The following CRMP1 variants were observed in gnomAD, a reference collection of about 807,000 sequenced individuals.
The protein encoded by CRMP1 is collapsin response mediator protein 1, also known as dihydropyrimidinase-related protein 1.
CRMP1 carries 19 observed loss-of-function variants against 68.3 expected under a neutral mutation model. That is an observed-to-expected ratio of 0.28 (90% CI 0.19 to 0.41). The LOEUF (loss-of-function observed/expected upper bound fraction) is 0.41. Ranked by LOEUF, CRMP1 falls within the 10% of genes least tolerant of loss-of-function variation. CRMP1 has a pLI of 1.00. For synonymous variants in CRMP1, 439 were observed against 399.6 expected, an observed-to-expected ratio of 1.10 and a Z score of -1.18; for missense variants, 791 against 967.4, an observed-to-expected ratio of 0.82 and a Z score of 2.42.
chr4:5,843,039 G>C lies in CRMP1; in HGVS notation c.1032+54C>G. The C allele has an allele frequency of 6.5e-7, 1 of 1,547,196 alleles. No individual in the cohort carries two copies. Among genetic ancestry groups the C allele is most frequent in the South Asian group, 1.1e-5 (1 of 89,460 alleles). On this transcript the variant is annotated intron_variant, in intron 7 of 13. Coordinates refer to ENST00000324989, the MANE Select transcript of CRMP1 (RefSeq NM_001014809.3). The surrounding 1 kb of genome is among the most constrained non-coding windows in gnomAD (Gnocchi z 4.1). ...GCTACTCCAGCTGGAACAGCATCAA[G>C]GTGAGTGCTCAGTGGTGAGTGTCAG...
At position 5,870,672 on chromosome 4, in the gene CRMP1, C is replaced by T. The variant is rs554158661; in HGVS notation, c.382-3916G>A. ...AAGACCAGTGTGAAGAGGCACATCCCGTTCTTCAGCAGGAGGGTCTCTGGA... is the reference window on the plus strand; with the variant it reads ...AAGACCAGTGTGAAGAGGCACATCCTGTTCTTCAGCAGGAGGGTCTCTGGA... On this transcript the variant is annotated intron_variant, in intron 1 of 13. Coordinates refer to ENST00000324989, the MANE Select transcript of CRMP1 (RefSeq NM_001014809.3). This position sits in a 1 kb window ranked among gnomAD's most constrained non-coding sequence, Gnocchi z 6.0. 2.2e-4 allele frequency among the ~76,000 whole-genome samples: 34 copies of T among 152,310 alleles called. No individual in the cohort carries two copies. In the East Asian group the frequency reaches 6.4e-3, roughly 29 times the overall value.
At chr4:5,884,069 T>C (rs985371743) in intron 1 of CRMP1, among the ~76,000 whole-genome samples, 1 of 152,246 alleles carries the variant, frequency 6.6e-6, no homozygotes. Flanking sequence ...AGTGGATGAC[T>C]AATCATGGCC....
At chr4:5,869,679 G>A (rs1342129289) in intron 1 of CRMP1, among the ~76,000 whole-genome samples, 3 of 83,304 alleles carry the variant, frequency 3.6e-5, no homozygotes, top group South Asian at 4.3e-4. Flanking sequence ...GCAAGACTCC[G>A]TCAAAAAAAA....
chr4:5,891,164 C>CCAAACACACATA lies in CRMP1; in HGVS notation c.381+1424_381+1425insTATGTGTGTTTG, dbSNP rs1553910114. Among the ~76,000 whole-genome samples the CCAAACACACATA allele has an allele frequency of 3.2e-5, 2 of 63,404 alleles. No homozygotes were observed. The highest frequency in any genetic ancestry group is 1.3e-3 in the East Asian group (2 of 1,600). 41.6% of individuals were successfully genotyped at this position (63,404 alleles called of 152,430 possible). On this transcript the variant is annotated intron_variant, in intron 1 of 13. Transcript: ENST00000324989. This position sits in a 1 kb window ranked among gnomAD's most constrained non-coding sequence, Gnocchi z 5.2. ...ATCTCCCTTTCTGATCACCCCACCA[C>CCAAACACACATA]CACACACACATACACACACACACAC...
chr4:5,833,548 C>A (rs1409631619), intron 11 of CRMP1, among the ~76,000 whole-genome samples: 1 of 119,998 alleles, frequency 8.3e-6, no homozygotes, highest in Non-Finnish European at 1.7e-5. Context: ...AGGAAACTTA[C>A]ACATGTGTCC....
rs1715827495 is a variant in CRMP1 at position 5,889,194 on chromosome 4, G to T, written c.381+3395C>A. 6.6e-6 allele frequency among the ~76,000 whole-genome samples: 1 copy of T among 152,176 alleles called. No individual in the cohort carries two copies. Reference sequence around the variant, plus strand: ...AAGGTGGAGCCCCCTAACTGGCAGAGGGAACAGCAGGGACAGAAGGGTACG... The same window carrying T: ...AAGGTGGAGCCCCCTAACTGGCAGATGGAACAGCAGGGACAGAAGGGTACG... On this transcript the variant is annotated intron_variant, in intron 1 of 13. Coordinates refer to ENST00000324989, the MANE Select transcript of CRMP1 (RefSeq NM_001014809.3). This position sits in a 1 kb window ranked among gnomAD's most constrained non-coding sequence, Gnocchi z 4.5.
rs1720885251 is a variant in CRMP1, at chr4:5,838,652, C to A, written c.1310+870G>T. The stretch of plus-strand genomic sequence containing the variant: ...ATCTGCAGTTCTTTGTAAACGTGAG[C>A]TGCCCACCAGACATTGGACTGCAGA... On this transcript the variant is annotated intron_variant, in intron 9 of 13. Transcript: ENST00000324989. This position sits in a 1 kb window ranked among gnomAD's most constrained non-coding sequence, Gnocchi z 4.9. Among the ~76,000 whole-genome samples, 1 of 152,180 alleles carries A rather than the reference C, an allele frequency of 6.6e-6. No individual in the cohort carries two copies. The highest frequency in any genetic ancestry group is 2.1e-4 in the South Asian group (1 of 4,824).
rs1047709718 is a variant in CRMP1, at chr4:5,891,287, C to A, written c.381+1302G>T. Among the ~76,000 whole-genome samples, 101 of 151,902 alleles carry A rather than the reference C, an allele frequency of 6.6e-4. No individual in the cohort carries two copies. Among genetic ancestry groups the A allele is most frequent in the African/African-American group, 2.3e-3 (95 of 41,478 alleles). On this transcript the variant is annotated intron_variant, in intron 1 of 13. Transcript: ENST00000324989. The surrounding 1 kb of genome is among the most constrained non-coding windows in gnomAD (Gnocchi z 5.2). ...GAGAGCTCTGGAGCAACAGCCCGCC[C>A]GCGAAGGGATGGGGCCCGAAGAGGC... is the stretch of plus-strand genomic sequence containing the variant.
intron 9 of CRMP1, 107 bp downstream of exon 9, chr4:5,839,415 T>C: frequency 2.2e-6 from 3 of 1,371,634 alleles, no homozygotes; most frequent in Non-Finnish European, 3.0e-6. Context: ...GGGCAGAGCC[T>C]CCTCTACAAT....
chr4:5,882,827 T>C (rs970451272), intron 1 of CRMP1, among the ~76,000 whole-genome samples: 1 of 152,170 alleles, frequency 6.6e-6, no homozygotes, highest in African/African-American at 2.4e-5. Context: ...AACTGAATTA[T>C]CTAATCCAAC....
chr4:5,863,017 TGCCCAG>T (rs1713698353), intron 2 of CRMP1, among the ~76,000 whole-genome samples: 1 of 152,152 alleles, frequency 6.6e-6, no homozygotes, highest in South Asian at 2.1e-4. Flanking sequence ...CTCCCTATGT[TGCCCAG>T]GCTAATCTTG....
Position 5,889,782 on chromosome 4 carries a change from C to G in CRMP1, c.381+2807G>C. 1 of 1,529,258 alleles carries G rather than the reference C, an allele frequency of 6.5e-7. No individual in the cohort carries two copies. Among genetic ancestry groups the G allele is most frequent in the Non-Finnish European group, 8.8e-7 (1 of 1,142,074 alleles). 94.7% of individuals were successfully genotyped at this position (1,529,258 alleles called of 1,614,324 possible). A position where few individuals can be genotyped will look rare whatever the true frequency, so the allele number is the denominator to read the frequency against. ...AGCACTGTGGTTGGGGGCTGGGGCC[C>G]TGACCTTCACCACCCCAGGGGCCAG... On this transcript the variant is annotated intron_variant, in intron 1 of 13. Coordinates refer to ENST00000324989, the MANE Select transcript of CRMP1 (RefSeq NM_001014809.3). This position sits in a 1 kb window ranked among gnomAD's most constrained non-coding sequence, Gnocchi z 4.5.
In CRMP1 at chr4:5,882,517, C is replaced by T. The variant is rs140059054; in HGVS notation, c.381+10072G>A. Among the ~76,000 whole-genome samples the T allele has an allele frequency of 2.2e-3, 338 of 152,272 alleles. 2 individuals are homozygous for T. Among genetic ancestry groups the T allele is most frequent in the African/African-American group, 7.8e-3 (326 of 41,550 alleles). The stretch of plus-strand genomic sequence containing the variant: ...CCACATTGCATTTAATATGTGCAGG[C>T]ACTATTTTAAGCATCTTACACATAT... On this transcript the variant is annotated intron_variant, in intron 1 of 13. Coordinates refer to ENST00000324989, the MANE Select transcript of CRMP1 (RefSeq NM_001014809.3).
At position 5,825,083 on chromosome 4, in the gene CRMP1, C is replaced by T; in HGVS notation, c.1969+411G>A. On this transcript the variant is annotated intron_variant, in intron 13 of 13. Coordinates refer to ENST00000324989, the MANE Select transcript of CRMP1 (RefSeq NM_001014809.3). The surrounding 1 kb of genome is among the most constrained non-coding windows in gnomAD (Gnocchi z 4.4). ...ATGGGTTATGAAAGTGCTTAGTACA[C>T]TGCAGTGGGTGAACAGGCTAAAGAC... 2 of 985,404 alleles carry T rather than the reference C, an allele frequency of 2.0e-6. No homozygotes were observed. The highest frequency in any genetic ancestry group is 2.4e-6 in the Non-Finnish European group (2 of 829,922). The allele number at this position is 985,404 out of a possible 1,614,324, so 61.0% of individuals were successfully genotyped here. A position where few individuals can be genotyped will look rare whatever the true frequency, so the allele number is the denominator to read the frequency against.
intron 9 of CRMP1, 97 bp downstream of exon 9, chr4:5,839,425 T>C: frequency 6.9e-7 from 1 of 1,444,670 alleles, no homozygotes. Flanking sequence ...TCCTCTACAA[T>C]CATGAGTCCA....
chr4:5,837,669 AAAATAAAAT>A lies in CRMP1; in HGVS notation c.1311-772_1311-764del, dbSNP rs1720816123. Among the ~76,000 whole-genome samples, 6 of 133,268 alleles carry A rather than the reference AAAATAAAAT, an allele frequency of 4.5e-5. 1 individual carries two copies. The highest frequency in any genetic ancestry group is 1.8e-4 in the African/African-American group (6 of 32,712). 87.4% of individuals were successfully genotyped at this position (133,268 alleles called of 152,430 possible). On this transcript the variant is annotated intron_variant, in intron 9 of 13. Transcript: ENST00000324989. Reference sequence around the variant, plus strand: ...ATAAAATAATAAAATAAAATAAAATAAAATAAAATAAATAAAATAAAATAAAATAAAAAA... The same window carrying A: ...ATAAAATAATAAAATAAAATAAAATAAAATAAAATAAAATAAAATAAAAAA...
In CRMP1 at chr4:5,888,227, C is replaced by T. The variant is rs1476251835; in HGVS notation, c.381+4362G>A. ...GGGCGGCGGGGGCGGGGGCCGCTTA[C>T]CGTGATGTGCGGGATGCTCTTCTTG... is the stretch of plus-strand genomic sequence containing the variant. On this transcript the variant is annotated intron_variant, in intron 1 of 13. Transcript: ENST00000324989. This position sits in a 1 kb window ranked among gnomAD's most constrained non-coding sequence, Gnocchi z 6.4. 1.6e-6 allele frequency: 2 copies of T among 1,275,378 alleles called. No individual in the cohort carries two copies. Among genetic ancestry groups the T allele is most frequent in the Admixed American group, 3.8e-5 (1 of 26,250 alleles). 79.0% of individuals were successfully genotyped at this position (1,275,378 alleles called of 1,614,324 possible).
At position 5,872,733 on chromosome 4, in the gene CRMP1, T is replaced by A. The variant is rs1292665327; in HGVS notation, c.382-5977A>T. On this transcript the variant is annotated intron_variant, in intron 1 of 13. Transcript: ENST00000324989. The surrounding 1 kb of genome is among the most constrained non-coding windows in gnomAD (Gnocchi z 4.6). ...AACCTTGAAGAAATAAAGCATCTCA[T>A]GAAAAACTCAGCCAAAGTCTAACAG... is the stretch of plus-strand genomic sequence containing the variant. Among the ~76,000 whole-genome samples the A allele has an allele frequency of 6.6e-6, 1 of 152,152 alleles. No homozygotes were observed. The highest frequency in any genetic ancestry group is 2.4e-5 in the African/African-American group (1 of 41,420).
At chr4:5,848,374 G>T (rs1053319711) in intron 6 of CRMP1, among the ~76,000 whole-genome samples, 1 of 152,088 alleles carries the variant, frequency 6.6e-6, no homozygotes, top group Non-Finnish European at 1.5e-5. Flanking sequence ...GTATTTTTTA[G>T]TAGAGATGGG....
Sources: allele counts gnomAD v4.1 joint callset (sites outside exome capture counted in the v4.1 genomes callset), GRCh38; gene constraint gnomAD v4.1.1; non-coding constraint Gnocchi (gnomAD v3.1); transcripts MANE v1.5; gene names NCBI Gene and HGNC (gene_info 2026-07-23, HGNC 2026-07-21).